Variants in SLC25A13 observed in about 807,000 individuals in gnomAD.
The protein encoded by SLC25A13 is solute carrier family 25 member 13.
In SLC25A13, 70 loss-of-function variants were observed where a neutral mutation model predicts 85.5. That is an observed-to-expected ratio of 0.82 (90% CI 0.68 to 1.00). SLC25A13 has a LOEUF of 1.00. Among genes scored for constraint, SLC25A13 ranks in the 50% least tolerant of loss-of-function variants. The probability of loss-of-function intolerance (pLI) is 0.00; values close to 1 mark genes in which losing one functional copy is unlikely to be tolerated. For synonymous variants in SLC25A13, 259 were observed against 288.7 expected, an observed-to-expected ratio of 0.90 and a Z score of 1.04; for missense variants, 765 against 819.8, an observed-to-expected ratio of 0.93 and a Z score of 0.82.
At chr7:96,317,257 G>A (rs913022083) in intron 1 of SLC25A13, among the ~76,000 whole-genome samples, 2 of 152,062 alleles carry the variant, frequency 1.3e-5, no homozygotes, top group East Asian at 1.9e-4. Context: ...GTGAGCCACC[G>A]TACCCAGCCA....
At chr7:96,160,754 A>G (rs2116537823) in intron 13 of SLC25A13, among the ~76,000 whole-genome samples, 1 of 152,316 alleles carries the variant, frequency 6.6e-6, no homozygotes, top group African/African-American at 2.4e-5. Flanking sequence ...TATAGCACCC[A>G]TGAGCCCTTA....
At chr7:96,258,685 G>A (rs1562883488) in intron 3 of SLC25A13, among the ~76,000 whole-genome samples, 1 of 152,090 alleles carries the variant, frequency 6.6e-6, no homozygotes, top group Non-Finnish European at 1.5e-5. Context: ...AACTACCATT[G>A]ACTTCCTTCA....
rs148141083 is a variant in SLC25A13 at position 96,260,410 on chromosome 7, C to T, written c.212+16786G>A. Among the ~76,000 whole-genome samples the T allele has an allele frequency of 5.6e-3, 849 of 152,090 alleles. 5 individuals carry two copies. Among genetic ancestry groups the T allele is most frequent in the Non-Finnish European group, 8.3e-3 (565 of 67,994 alleles). ...CAATTAAAACACAAACATATAAAAA[C>T]CTGTAAGTTCATAATAATCAATACA... On this transcript the variant is annotated intron_variant, in intron 3 of 17. Transcript: ENST00000265631.
chr7:96,278,107 T>C (rs1048612262), intron 2 of SLC25A13, among the ~76,000 whole-genome samples: 1 of 152,210 alleles, frequency 6.6e-6, no homozygotes, highest in African/African-American at 2.4e-5. Context: ...CACTCCAGCC[T>C]GGATAAGAGA....
intron 14 of SLC25A13, among the ~76,000 whole-genome samples, chr7:96,140,168 C>T (rs1237721550): frequency 2.0e-5 from 3 of 150,454 alleles, no homozygotes; most frequent in East Asian, 2.0e-4. Context: ...CCGTTTTAGC[C>T]GGGATGGTCT....
chr7:96,124,528 T>G (rs1295673767), intron 15 of SLC25A13, among the ~76,000 whole-genome samples: 2 of 152,226 alleles, frequency 1.3e-5, no homozygotes, highest in Non-Finnish European at 2.9e-5. Context: ...CCTGTGTGCT[T>G]CTGAACGCTA....
chr7:96,256,125 CA>C (rs1797625979), intron 3 of SLC25A13, among the ~76,000 whole-genome samples: 1 of 152,042 alleles, frequency 6.6e-6, no homozygotes, highest in African/African-American at 2.4e-5. Flanking sequence ...AAAAACAAAC[CA>C]AAATGTAAAA....
Position 96,120,764 on chromosome 7 carries a change from T to C in SLC25A13, c.*427A>G, listed in dbSNP as rs1479905504. 1 of 455,092 alleles carries C rather than the reference T, an allele frequency of 2.2e-6. No homozygotes were observed. The allele number at this position is 455,092 out of a possible 1,614,324, so 28.2% of individuals were successfully genotyped here. Reference sequence around the variant, plus strand: ...TTTTTTCATTTCTCCCAGTGTTTTTTATTTTTATAAATATGCACCTAGTTT... The same window carrying C: ...TTTTTTCATTTCTCCCAGTGTTTTTCATTTTTATAAATATGCACCTAGTTT... On this transcript the variant is annotated 3_prime_UTR_variant, in exon 18 of 18. Coordinates refer to ENST00000265631, the MANE Select transcript of SLC25A13 (RefSeq NM_014251.3).
intron 1 of SLC25A13, among the ~76,000 whole-genome samples, chr7:96,320,632 C>G (rs903316979): frequency 1.3e-5 from 2 of 152,116 alleles, no homozygotes; most frequent in Non-Finnish European, 2.9e-5. Context: ...GATATACACA[C>G]GCACACCTGT....
chr7:96,285,255 C>G (rs1276115484), intron 2 of SLC25A13, among the ~76,000 whole-genome samples: 4 of 152,134 alleles, frequency 2.6e-5, no homozygotes, highest in Non-Finnish European at 5.9e-5. Flanking sequence ...TGCCGCAACC[C>G]TAAGGCTGCC....
chr7:96,245,875 C>T (rs1298590643), intron 3 of SLC25A13, among the ~76,000 whole-genome samples: 1 of 152,138 alleles, frequency 6.6e-6, no homozygotes, highest in African/African-American at 2.4e-5. Context: ...GATTTAAAAA[C>T]CTAGGTTTCC....
intron 1 of SLC25A13, among the ~76,000 whole-genome samples, chr7:96,302,244 T>G (rs201383592): frequency 6.6e-6 from 1 of 152,108 alleles, no homozygotes; most frequent in Admixed American, 6.5e-5. Context: ...GGGGAGAACA[T>G]GGCAAGAAGA....
At chr7:96,243,016 G>A (rs1019718153) in intron 3 of SLC25A13, among the ~76,000 whole-genome samples, 1 of 152,110 alleles carries the variant, frequency 6.6e-6, no homozygotes, top group Admixed American at 6.5e-5. Context: ...CCAGGCTGGA[G>A]TGCAATGGCG....
At chr7:96,216,647 A>G (rs563123170) in intron 4 of SLC25A13, among the ~76,000 whole-genome samples, 35 of 152,196 alleles carry the variant, frequency 2.3e-4, no homozygotes, top group Non-Finnish European at 4.7e-4. Flanking sequence ...CTAATGCAGG[A>G]ACAGAAAACC....
chr7:96,179,827 T>C (rs933908453), intron 11 of SLC25A13, among the ~76,000 whole-genome samples: 2 of 152,196 alleles, frequency 1.3e-5, no homozygotes, highest in Admixed American at 6.5e-5. Flanking sequence ...AAAACAGTCA[T>C]GGAAATTTCA....
rs1313474416 is a variant in SLC25A13, at chr7:96,208,971, AC to A, written c.334del (p.Val112LeufsTer35). On this transcript the variant is annotated frameshift_variant, in exon 5 of 18. Coordinates refer to ENST00000265631, the MANE Select transcript of SLC25A13 (RefSeq NM_014251.3). LOFTEE classifies it high-confidence loss of function. ...TGTGGTCTGTCCAAAAACTTGCTTA[AC>A]ATCCTCTGAAAAGAGAAAAGACAGG... The part of the protein sequence containing the change: ...AGKGEVTFED[V>X]KQVFGQTTIH... 6.2e-7 allele frequency: 1 copy of A among 1,614,014 alleles called. No individual in the cohort carries two copies. Among genetic ancestry groups the A allele is most frequent in the African/African-American group, 1.3e-5 (1 of 74,942 alleles).
In SLC25A13 at chr7:96,121,001, T is replaced by G. The variant is rs1194104009; in HGVS notation, c.*190A>C. On this transcript the variant is annotated 3_prime_UTR_variant, in exon 18 of 18. Transcript: ENST00000265631. ...TGGGCAGAGGGCCAAATAATAATTA[T>G]GAATAATTTCACAATGATCTGGTTA... The G allele has an allele frequency of 1.3e-6, 1 of 744,340 alleles. No individual in the cohort carries two copies. Among genetic ancestry groups the G allele is most frequent in the Non-Finnish European group, 2.3e-6 (1 of 428,976 alleles). The allele number at this position is 744,340 out of a possible 1,614,324, so 46.1% of individuals were successfully genotyped here. A position where few individuals can be genotyped will look rare whatever the true frequency, so the allele number is the denominator to read the frequency against.
chr7:96,130,736 G>A (rs1385646994), intron 15 of SLC25A13, among the ~76,000 whole-genome samples: 1 of 152,096 alleles, frequency 6.6e-6, no homozygotes, highest in Non-Finnish European at 1.5e-5. Context: ...TCTAGATACA[G>A]TGGTATCACT....
At chr7:96,206,751 G>T (rs574722542) in intron 5 of SLC25A13, among the ~76,000 whole-genome samples, 107 of 152,216 alleles carry the variant, frequency 7.0e-4, no homozygotes, top group African/African-American at 2.4e-3. Context: ...CTTACAAATT[G>T]TTTGGAAACA....
Sources: allele counts gnomAD v4.1 joint callset (sites outside exome capture counted in the v4.1 genomes callset), GRCh38; gene constraint gnomAD v4.1.1; transcripts MANE v1.5; gene names NCBI Gene and HGNC (gene_info 2026-07-23, HGNC 2026-07-21).